SLCO5A1: variants seen among roughly 807,000 people sequenced by gnomAD.
SLCO5A1 encodes the protein solute carrier organic anion transporter family member 5A1, also known as organic anion transporter polypeptide-related protein 4.
A neutral mutation model predicts 65.1 loss-of-function variants in SLCO5A1; 39 were observed. The ratio of observed to expected loss-of-function variants is 0.60; its 90% CI spans 0.46 to 0.78. SLCO5A1 has a LOEUF of 0.78. Ranked by LOEUF, SLCO5A1 falls within the 30% of genes least tolerant of loss-of-function variation. SLCO5A1 has a pLI of 0.00. For missense variants in SLCO5A1, 1,029 were observed against 1,069.4 expected (o/e 0.96, Z 0.53); for synonymous variants, 438 against 415.7 (o/e 1.05, Z -0.65).
At chr8:69,695,620 T>C (rs1387386124) in intron 6 of SLCO5A1, among the ~76,000 whole-genome samples, 1 of 152,136 alleles carries the variant, frequency 6.6e-6, no homozygotes, top group Admixed American at 6.5e-5. Context: ...GTAATTATGC[T>C]GGTAACCAGG....
chr8:69,810,416 T>A (rs1428101811), intron 2 of SLCO5A1, among the ~76,000 whole-genome samples: 1 of 152,016 alleles, frequency 6.6e-6, no homozygotes, highest in Non-Finnish European at 1.5e-5. Context: ...GGCCTAAAAG[T>A]GGACAGAAAG....
chr8:69,817,811 G>T (rs1372175668), intron 2 of SLCO5A1, among the ~76,000 whole-genome samples: 1 of 152,124 alleles, frequency 6.6e-6, no homozygotes, highest in African/African-American at 2.4e-5. Context: ...TCTTACATTT[G>T]TCTGTCACCA....
chr8:69,812,937 T>A (rs1481517997), intron 2 of SLCO5A1, among the ~76,000 whole-genome samples: 1 of 152,200 alleles, frequency 6.6e-6, no homozygotes, highest in Admixed American at 6.5e-5. Context: ...CTGTCCTCCA[T>A]CTAAGGGAAA....
chr8:69,737,900 C>T (rs2130843157), intron 5 of SLCO5A1, 140 bp downstream of exon 5: 1 of 791,190 alleles, frequency 1.3e-6, no homozygotes, highest in Non-Finnish European at 1.9e-6. Flanking sequence ...AGGATTTCCT[C>T]CTCCTAAAAT....
rs779747180 is a variant in SLCO5A1, at chr8:69,738,248, A to G, written c.1259-44T>C. On this transcript the variant is annotated intron_variant, in intron 4 of 9. Transcript: ENST00000260126. ...GACAAATGAATGTTATAAACAATGG[A>G]TGGAAAACAAAATAAAACTGAATTG... is the stretch of plus-strand genomic sequence containing the variant. 6.6e-6 allele frequency: 10 copies of G among 1,510,700 alleles called. No homozygotes were observed. In the Admixed American group the frequency reaches 1.2e-4, roughly 18 times the overall value. The allele number at this position is 1,510,700 out of a possible 1,614,324, so 93.6% of individuals were successfully genotyped here. A position where few individuals can be genotyped will look rare whatever the true frequency, so the allele number is the denominator to read the frequency against.
At chr8:69,771,208 T>C (rs1313478102) in intron 2 of SLCO5A1, among the ~76,000 whole-genome samples, 1 of 152,172 alleles carries the variant, frequency 6.6e-6, no homozygotes, top group Non-Finnish European at 1.5e-5. Flanking sequence ...GGTCTTGAAC[T>C]TCTGACCTCA....
At chr8:69,809,573 G>C (rs1430888001) in intron 2 of SLCO5A1, among the ~76,000 whole-genome samples, 1 of 152,026 alleles carries the variant, frequency 6.6e-6, no homozygotes, top group Non-Finnish European at 1.5e-5. Context: ...AGCTTGGTTA[G>C]AACATTTAAG....
chr8:69,749,442 A>T (rs1391801428), intron 4 of SLCO5A1, among the ~76,000 whole-genome samples: 1 of 151,638 alleles, frequency 6.6e-6, no homozygotes. Flanking sequence ...ACATGGTGAA[A>T]CCCCATCTTT....
At position 69,673,045 on chromosome 8, in the gene SLCO5A1, G is replaced by A; in HGVS notation, c.2371C>T (p.Arg791Trp). 1 of 1,614,178 alleles carries A rather than the reference G, an allele frequency of 6.2e-7. No individual in the cohort carries two copies. The highest frequency in any genetic ancestry group is 1.1e-5 in the South Asian group (1 of 91,084). Residue 791 changes from arginine (R) to tryptophan (W), a missense_variant, in exon 10 of 10, where the codon CGG becomes TGG. Physicochemically the swap from Arg to Trp is moderately radical, Grantham distance 101. This residue lies in a region of SLCO5A1 where 258 missense variants were observed against 237.4 expected (regional missense o/e 1.09). Transcript: ENST00000260126. ...CTGAAAGCTGGGCAAGATCTAGTCC[G>A]GGCATTGTCGGGGTGTCCCACTCTC... is the stretch of plus-strand genomic sequence containing the variant. ...SERVGHPDNA[R>W]TRSCPAFSTQ...
intron 3 of SLCO5A1, among the ~76,000 whole-genome samples, chr8:69,761,197 T>G (rs1817756698): frequency 6.6e-6 from 1 of 152,126 alleles, no homozygotes; most frequent in Non-Finnish European, 1.5e-5. Flanking sequence ...CTGTATAAGC[T>G]CTCTGCTATA....
Position 69,682,323 on chromosome 8 carries a change from T to G in SLCO5A1, c.1643A>C (p.His548Pro), listed in dbSNP as rs1433711825. The G allele has an allele frequency of 6.2e-7, 1 of 1,606,552 alleles. No individual in the cohort carries two copies. The highest frequency in any genetic ancestry group is 8.5e-7 in the Non-Finnish European group (1 of 1,177,168). Residue 548 changes from histidine (H) to proline (P), a missense_variant, in exon 7 of 10, where the codon CAT (histidine) becomes CCT (proline). Physicochemically the swap from His to Pro is moderately conservative, Grantham distance 77. This residue lies in a region of SLCO5A1 where 124 missense variants were observed against 184.5 expected (regional missense o/e 0.67). Transcript: ENST00000260126. ...YTTGPSLTMPHRNLTGSCNVN... is the reference protein window; with the variant it reads ...YTTGPSLTMPPRNLTGSCNVN... ...GTTGCAGCTTCCTGTCAGATTCCTA[T>G]GGGGCATGGTGAGAGAAGGTCTAAG...
Position 69,761,808 on chromosome 8 carries a change from A to G in SLCO5A1, c.975T>C (p.Gly325=), listed in dbSNP as rs1817787887. 2 of 1,614,028 alleles carry G rather than the reference A, an allele frequency of 1.2e-6. No individual in the cohort carries two copies. The highest frequency in any genetic ancestry group is 1.7e-6 in the Non-Finnish European group (2 of 1,179,984). ...CAGGATTTCTGGGATCAACATAAAAACCAATAAGAAGTCCACCTAATAAAT... is the reference window on the plus strand; with the variant it reads ...CAGGATTTCTGGGATCAACATAAAAGCCAATAAGAAGTCCACCTAATAAAT... The part of the protein sequence containing the change: ...VGYLLGGLLI[G]FYVDPRNPVH... Residue 325 remains glycine (G), a synonymous_variant, in exon 3 of 10, where the codon GGT becomes GGC. Coordinates refer to ENST00000260126, the MANE Select transcript of SLCO5A1 (RefSeq NM_030958.3).
chr8:69,707,560 A>G (rs1349250582), intron 5 of SLCO5A1, among the ~76,000 whole-genome samples: 1 of 152,222 alleles, frequency 6.6e-6, no homozygotes, highest in Non-Finnish European at 1.5e-5. Flanking sequence ...CATGAAAAGG[A>G]GCTCAGGTTG....
intron 2 of SLCO5A1, among the ~76,000 whole-genome samples, chr8:69,801,147 T>C (rs1034274079): frequency 1.8e-4 from 28 of 152,338 alleles, no homozygotes; most frequent in African/African-American, 6.3e-4. Flanking sequence ...TTACCTTACC[T>C]GTACACAGCT....
intron 5 of SLCO5A1, among the ~76,000 whole-genome samples, chr8:69,722,653 G>T (rs1815877087): frequency 6.6e-6 from 1 of 152,074 alleles, no homozygotes; most frequent in African/African-American, 2.4e-5. Flanking sequence ...CAGGTCCATT[G>T]TTCCTTCTAA....
rs1398137255 is a variant in SLCO5A1 at position 69,667,062 on chromosome 8, T to A, written c.*5807A>T. Reference sequence around the variant, plus strand: ...ACAATTTCATTTCAGTCCAACACACTTTATTCATTTTTAACTTTTTTCTTA... The same window carrying A: ...ACAATTTCATTTCAGTCCAACACACATTATTCATTTTTAACTTTTTTCTTA... On this transcript the variant is annotated 3_prime_UTR_variant, in exon 10 of 10. Transcript: ENST00000260126. The A allele has an allele frequency of 2.6e-5, 4 of 152,240 alleles. No homozygotes were observed. Among genetic ancestry groups the A allele is most frequent in the African/African-American group, 9.6e-5 (4 of 41,466 alleles). The allele number at this position is 152,240 out of a possible 1,614,324, so 9.4% of individuals were successfully genotyped here.
chr8:69,784,018 C>A (rs1818909898), intron 2 of SLCO5A1, among the ~76,000 whole-genome samples: 1 of 152,142 alleles, frequency 6.6e-6, no homozygotes, highest in African/African-American at 2.4e-5. Flanking sequence ...CACGGGAAAT[C>A]TTTGTACCTT....
At chr8:69,779,385 G>T (rs990171640) in intron 2 of SLCO5A1, among the ~76,000 whole-genome samples, 2 of 152,136 alleles carry the variant, frequency 1.3e-5, no homozygotes, top group Non-Finnish European at 2.9e-5. Flanking sequence ...AAGGAAATCA[G>T]AAGACTATTT....
intron 2 of SLCO5A1, chr8:69,773,072 C>A (rs1818404966): frequency 1.9e-6 from 1 of 520,150 alleles, no homozygotes. Flanking sequence ...CACACATGGG[C>A]AAAGGCACAC....
Sources: gnomAD v4.1 joint callset for allele counts (sites outside exome capture counted in the v4.1 genomes callset) on GRCh38, gnomAD v4.1.1 for gene constraint, gnomAD v4.1.1 regional missense constraint, MANE v1.5 for transcripts, NCBI Gene and HGNC (gene_info 2026-07-23, HGNC 2026-07-21) for gene names.